PDE4B: variants seen among roughly 807,000 people sequenced by gnomAD.
The protein encoded by PDE4B is phosphodiesterase 4B.
A neutral mutation model predicts 82.2 loss-of-function variants in PDE4B; 20 were observed. The ratio of observed to expected loss-of-function variants is 0.24; its 90% CI spans 0.17 to 0.35. The LOEUF is 0.35. Among genes scored for constraint, PDE4B ranks in the 10% least tolerant of loss-of-function variants. The pLI, the probability that PDE4B is intolerant of heterozygous loss-of-function variation, is 1.00. For missense variants in PDE4B, 655 were observed against 907.2 expected, an observed-to-expected ratio of 0.72 and a Z score of 3.57; for synonymous variants, 320 against 318.9, an observed-to-expected ratio of 1.00 and a Z score of -0.04.
At chr1:65,957,141 G>T (rs1013931430) in intron 3 of PDE4B, among the ~76,000 whole-genome samples, 1 of 149,760 alleles carries the variant, frequency 6.7e-6, no homozygotes, top group South Asian at 2.2e-4. Flanking sequence ...TTTGTCTCAG[G>T]CTGGCTTGTC....
At position 66,161,607 on chromosome 1, in the gene PDE4B, G is replaced by A. The variant is rs542783911; in HGVS notation, c.282-85853G>A. 6.8e-4 allele frequency among the ~76,000 whole-genome samples: 103 copies of A among 151,838 alleles called. 1 individual carries two copies. Among genetic ancestry groups the A allele is most frequent in the African/African-American group, 2.3e-3 (95 of 41,388 alleles). ...TTTAAGTTATGTACCAAACCTATAA[G>A]GTTATTATTATTATTATTTATATTT... On this transcript the variant is annotated intron_variant, in intron 3 of 16. Transcript: ENST00000341517.
At position 65,882,745 on chromosome 1, in the gene PDE4B, T is replaced by G. The variant is rs551265311; in HGVS notation, c.-70-30500T>G. Among the ~76,000 whole-genome samples the G allele has an allele frequency of 3.3e-5, 5 of 152,252 alleles. No individual in the cohort carries two copies. In the South Asian group the frequency reaches 1.0e-3, roughly 32 times the overall value. On this transcript the variant is annotated intron_variant, in intron 1 of 16. Transcript: ENST00000341517. ...TCATAGAATGATGAATAATGCTTAA[T>G]GTTTTACATGTTTTTATATTTTATA...
intron 3 of PDE4B, among the ~76,000 whole-genome samples, chr1:66,126,040 A>G (rs565963682): frequency 2.0e-5 from 3 of 152,134 alleles, no homozygotes; most frequent in Admixed American, 6.5e-5. Flanking sequence ...TCCTGACCTC[A>G]GGTGATCCAC....
At chr1:66,126,080 A>G (rs1186595785) in intron 3 of PDE4B, among the ~76,000 whole-genome samples, 1 of 152,222 alleles carries the variant, frequency 6.6e-6, no homozygotes, top group Non-Finnish European at 1.5e-5. Flanking sequence ...TGTTGGGATT[A>G]CAGGCGTGAG....
intron 3 of PDE4B, among the ~76,000 whole-genome samples, chr1:66,179,875 T>G (rs1435755096): frequency 6.6e-6 from 1 of 152,158 alleles, no homozygotes; most frequent in Non-Finnish European, 1.5e-5. Flanking sequence ...CGGAATCCAA[T>G]GCTTGTTTCT....
At chr1:66,311,009 T>C (rs1287068391) in intron 7 of PDE4B, among the ~76,000 whole-genome samples, 1 of 152,218 alleles carries the variant, frequency 6.6e-6, no homozygotes, top group Non-Finnish European at 1.5e-5. Flanking sequence ...TGAACTGTTA[T>C]CTTTGGGTAC....
At chr1:66,214,888 C>T (rs935794590) in intron 3 of PDE4B, among the ~76,000 whole-genome samples, 2 of 152,164 alleles carry the variant, frequency 1.3e-5, no homozygotes, top group Non-Finnish European at 2.9e-5. Context: ...GATCCCCTCT[C>T]ATATCATGAC....
chr1:65,827,806 C>T (rs902522056), intron 1 of PDE4B, among the ~76,000 whole-genome samples: 4 of 152,082 alleles, frequency 2.6e-5, no homozygotes, highest in East Asian at 3.9e-4. Flanking sequence ...GCTGGAAGAA[C>T]ATCAAGCAAG....
chr1:65,853,830 T>A (rs1027760400), intron 1 of PDE4B, among the ~76,000 whole-genome samples: 3 of 152,140 alleles, frequency 2.0e-5, no homozygotes, highest in Admixed American at 6.6e-5. Flanking sequence ...GCCTGGCTGA[T>A]TTACTTTTAA....
intron 3 of PDE4B, among the ~76,000 whole-genome samples, chr1:66,068,110 A>C (rs1271586352): frequency 2.0e-5 from 3 of 151,206 alleles, no homozygotes; most frequent in Admixed American, 6.6e-5. Flanking sequence ...AAAATTAAAA[A>C]AAAAAGACAC....
In PDE4B at chr1:66,272,370, A is replaced by G. The variant is rs529720295; in HGVS notation, c.634+6283A>G. Among the ~76,000 whole-genome samples the G allele has an allele frequency of 5.3e-5, 8 of 152,346 alleles. No homozygotes were observed. The East Asian group carries it at 1.5e-3, about 29-fold the overall frequency. On this transcript the variant is annotated intron_variant, in intron 7 of 16. Coordinates refer to ENST00000341517, the MANE Select transcript of PDE4B (RefSeq NM_002600.4). ...TGTCAGAAACTATCCCATTGGTTTT[A>G]GAACCCATTTCTCTCTTCAGTCCTG... is the stretch of plus-strand genomic sequence containing the variant.
At chr1:65,962,316 T>A (rs1649585424) in intron 3 of PDE4B, among the ~76,000 whole-genome samples, 2 of 152,168 alleles carry the variant, frequency 1.3e-5, no homozygotes, top group Admixed American at 6.6e-5. Flanking sequence ...GGGGACCATC[T>A]GCAGACATGC....
intron 3 of PDE4B, among the ~76,000 whole-genome samples, chr1:66,096,541 T>TATATATAC (rs1557558033): frequency 2.1e-5 from 3 of 144,638 alleles, no homozygotes; most frequent in Admixed American, 7.0e-5. Flanking sequence ...TATATATATA[T>TATATATAC]ACTGCATTTC....
intron 3 of PDE4B, among the ~76,000 whole-genome samples, chr1:66,076,706 T>A (rs748781436): frequency 1.2e-4 from 18 of 152,190 alleles, no homozygotes; most frequent in Non-Finnish European, 2.6e-4. Flanking sequence ...AAGACCATTC[T>A]GAGCAGTGTG....
At chr1:66,224,349 CA>C (rs1314533674) in intron 3 of PDE4B, among the ~76,000 whole-genome samples, 1 of 152,128 alleles carries the variant, frequency 6.6e-6, no homozygotes, top group Non-Finnish European at 1.5e-5. Context: ...AAATTCTGGG[CA>C]AAATTTCGGA....
chr1:65,955,758 G>A (rs1649227327), intron 3 of PDE4B, among the ~76,000 whole-genome samples: 1 of 152,226 alleles, frequency 6.6e-6, no homozygotes, highest in East Asian at 1.9e-4. Flanking sequence ...ACTTTCTACA[G>A]TAACATGCTC....
At chr1:66,339,335 A>G (rs1660785604) in intron 8 of PDE4B, among the ~76,000 whole-genome samples, 2 of 152,272 alleles carry the variant, frequency 1.3e-5, no homozygotes. Flanking sequence ...GCAATTCAGT[A>G]TTCCAAGTTC....
chr1:66,158,222 A>G (rs1361127801), intron 3 of PDE4B, among the ~76,000 whole-genome samples: 1 of 152,240 alleles, frequency 6.6e-6, no homozygotes, highest in Non-Finnish European at 1.5e-5. Context: ...TATTACACCA[A>G]ACTTAAAAGC....
At chr1:66,042,264 T>C (rs1398875606) in intron 3 of PDE4B, among the ~76,000 whole-genome samples, 2 of 151,856 alleles carry the variant, frequency 1.3e-5, no homozygotes, top group Non-Finnish European at 2.9e-5. Flanking sequence ...ATAGCATGTT[T>C]TCCTCATGTG....
Sources: gnomAD v4.1 joint callset for allele counts (sites outside exome capture counted in the v4.1 genomes callset) on GRCh38, gnomAD v4.1.1 for gene constraint, MANE v1.5 for transcripts, NCBI Gene and HGNC (gene_info 2026-07-23, HGNC 2026-07-21) for gene names.